The following KMT2E variants were observed in gnomAD, a reference collection of about 807,000 sequenced individuals.
KMT2E encodes the protein histone reader KMT2E.
Under a neutral mutation model 184.6 loss-of-function variants are expected in KMT2E, and 30 were observed. The ratio of observed to expected loss-of-function variants is 0.16; its 90% CI spans 0.12 to 0.22. The LOEUF is 0.22. Ranked by LOEUF, KMT2E falls within the 10% of genes least tolerant of loss-of-function variation. The pLI is 1.00. For missense variants in KMT2E, 2,023 were observed against 2,237.4 expected, an observed-to-expected ratio of 0.90 and a Z score of 1.93; for synonymous variants, 815 against 776.5, an observed-to-expected ratio of 1.05 and a Z score of -0.82.
intron 13 of KMT2E, among the ~76,000 whole-genome samples, chr7:105,087,216 ATATAT>A (rs1460450011): frequency 2.0e-5 from 3 of 146,816 alleles, no homozygotes; most frequent in Non-Finnish European, 4.5e-5. Context: ...CTTATATAAT[ATATAT>A]TATATAAGCA....
intron 15 of KMT2E, among the ~76,000 whole-genome samples, chr7:105,101,069 T>C (rs1798635061): frequency 6.6e-6 from 1 of 152,330 alleles, no homozygotes; most frequent in Admixed American, 6.5e-5. Context: ...TTAGGGATTT[T>C]GGATCTTTTT....
chr7:105,081,665 T>G, intron 12 of KMT2E, 23 bp from the exon 13 acceptor site: 2 of 1,091,546 alleles, frequency 1.8e-6, no homozygotes, highest in Non-Finnish European at 2.8e-6. Context: ...TTTATGGTAA[T>G]GTACAATTAT....
intron 1 of KMT2E, among the ~76,000 whole-genome samples, chr7:105,020,876 A>T (rs934659684): frequency 1.3e-5 from 2 of 152,202 alleles, no homozygotes; most frequent in Non-Finnish European, 2.9e-5. Flanking sequence ...AACCATTACC[A>T]CTTAGGATAT....
chr7:105,029,843 A>G (rs1368746186), intron 1 of KMT2E, among the ~76,000 whole-genome samples: 1 of 152,244 alleles, frequency 6.6e-6, no homozygotes, highest in Admixed American at 6.5e-5. Flanking sequence ...TGGGAGACTA[A>G]TAATGGGGAG....
chr7:105,080,864 G>A (rs966079605), intron 12 of KMT2E, among the ~76,000 whole-genome samples: 1 of 152,066 alleles, frequency 6.6e-6, no homozygotes, highest in Non-Finnish European at 1.5e-5. Context: ...TTAGCCAGGT[G>A]TGGTGGCACG....
At chr7:105,017,312 A>C (rs185654845) in intron 1 of KMT2E, among the ~76,000 whole-genome samples, 2 of 152,290 alleles carry the variant, frequency 1.3e-5, no homozygotes, top group Admixed American at 1.3e-4. Flanking sequence ...GAAAAATACC[A>C]AGTTAGAAAT....
intron 3 of KMT2E, among the ~76,000 whole-genome samples, chr7:105,051,127 TCCTCTCTTCCTC>T (rs1488089931): frequency 1.2e-3 from 186 of 151,512 alleles, no homozygotes; most frequent in Admixed American, 3.1e-3. Context: ...TTTCCTCCTT[TCCTCTCTTCCTC>T]CCTCCCTTCC....
chr7:105,097,868 G>A (rs975306023), intron 15 of KMT2E, among the ~76,000 whole-genome samples: 1 of 152,096 alleles, frequency 6.6e-6, no homozygotes, highest in Non-Finnish European at 1.5e-5. Context: ...AAAACAATGT[G>A]AGTGCTTGCC....
chr7:105,015,027 G>C (rs1047648573), intron 1 of KMT2E, among the ~76,000 whole-genome samples: 3 of 152,090 alleles, frequency 2.0e-5, no homozygotes, highest in Admixed American at 1.3e-4. Context: ...GAATACGAAG[G>C]GGGTAAGAAG....
chr7:105,032,014 C>T (rs937197336), intron 1 of KMT2E, among the ~76,000 whole-genome samples: 5 of 132,398 alleles, frequency 3.8e-5, no homozygotes, highest in South Asian at 2.4e-4. Flanking sequence ...TACAGTCAGC[C>T]GAAATCACAC....
chr7:105,071,580 G>GTATATATATATATATATATATATA (rs1438005247), intron 6 of KMT2E, among the ~76,000 whole-genome samples: 6 of 64,962 alleles, frequency 9.2e-5, no homozygotes, highest in Non-Finnish European at 1.3e-4. Context: ...GTATGTGTGT[G>GTATATATATATATATATATATATA]TGTATATATA....
At chr7:105,072,639 C>G (rs1797369714) in intron 6 of KMT2E, among the ~76,000 whole-genome samples, 1 of 152,068 alleles carries the variant, frequency 6.6e-6, no homozygotes, top group Admixed American at 6.5e-5. Context: ...TTTCACTTAA[C>G]TGTTAAATGC....
At chr7:105,083,020 A>G (rs1286551372) in intron 13 of KMT2E, among the ~76,000 whole-genome samples, 8 of 152,124 alleles carry the variant, frequency 5.3e-5, no homozygotes, top group African/African-American at 1.7e-4. Flanking sequence ...TCTGAGATCC[A>G]TATCTGTATT....
intron 3 of KMT2E, among the ~76,000 whole-genome samples, chr7:105,049,793 A>G (rs1796255099): frequency 6.6e-6 from 1 of 152,120 alleles, no homozygotes; most frequent in Admixed American, 6.5e-5. Flanking sequence ...TCGGAGGCAC[A>G]CGCAGGAGAA....
intron 6 of KMT2E, among the ~76,000 whole-genome samples, chr7:105,068,113 C>T (rs911438404): frequency 3.3e-5 from 5 of 152,172 alleles, no homozygotes; most frequent in African/African-American, 9.7e-5. Flanking sequence ...TCCCTGGTTA[C>T]CATTACAGTG....
At chr7:105,026,027 A>T (rs1287433345) in intron 1 of KMT2E, among the ~76,000 whole-genome samples, 1 of 152,212 alleles carries the variant, frequency 6.6e-6, no homozygotes, top group Non-Finnish European at 1.5e-5. Flanking sequence ...GGGGAGCTAT[A>T]CTCAAAGAAT....
intron 15 of KMT2E, chr7:105,091,658 G>A: frequency 6.3e-6 from 2 of 318,156 alleles, no homozygotes; most frequent in South Asian, 8.6e-5. Flanking sequence ...CTCATGATTT[G>A]AAATATAATA....
chr7:105,084,425 A>C (rs1411203582), intron 13 of KMT2E, among the ~76,000 whole-genome samples: 2 of 152,264 alleles, frequency 1.3e-5, no homozygotes, highest in East Asian at 3.9e-4. Context: ...CAGGAGTTCA[A>C]GACCAGCCTG....
At position 105,085,688 on chromosome 7, in the gene KMT2E, A is replaced by ATTTT. The variant is rs113145258; in HGVS notation, c.1358+3900_1358+3903dup. 3.6e-3 allele frequency among the ~76,000 whole-genome samples: 526 copies of ATTTT among 147,638 alleles called. 17 individuals are homozygous for ATTTT. The East Asian group carries it at 0.062, about 17-fold the overall frequency. On this transcript the variant is annotated intron_variant, in intron 13 of 26. Coordinates refer to ENST00000311117, the MANE Select transcript of KMT2E (RefSeq NM_182931.3). ...TTCACTAACTGCTATCTTTAATTTG[A>ATTTT]TTTTTTTTTTTTGGAGACGGAGTCT...
Sources: allele counts gnomAD v4.1 joint callset (sites outside exome capture counted in the v4.1 genomes callset), GRCh38; gene constraint gnomAD v4.1.1; transcripts MANE v1.5; gene names NCBI Gene and HGNC (gene_info 2026-07-23, HGNC 2026-07-21).